FAM120B: variants seen among roughly 807,000 people sequenced by gnomAD.
The protein encoded by FAM120B is family with sequence similarity 120 member B.
Under a neutral mutation model 96.3 loss-of-function variants are expected in FAM120B, and 83 were observed. That is an observed-to-expected ratio of 0.86 (90% CI 0.72 to 1.03). FAM120B has a LOEUF of 1.03. FAM120B is among the 50% of genes least tolerant of loss of function. The pLI is 0.00. For missense variants in FAM120B, 1,027 were observed against 1,121.2 expected, an observed-to-expected ratio of 0.92 and a Z score of 1.20; for synonymous variants, 407 against 402.7, an observed-to-expected ratio of 1.01 and a Z score of -0.13.
chr6:170,388,624 C>A, intron 7 of FAM120B, 131 bp downstream of exon 7: 1 of 752,008 alleles, frequency 1.3e-6, no homozygotes, highest in Non-Finnish European at 2.2e-6. Context: ...AAACCAGGAA[C>A]ACATGATTTG....
At chr6:170,291,168 T>A, upstream of FAM120B, 1 of 408,746 alleles carries the variant, frequency 2.4e-6, no homozygotes, top group African/African-American at 3.1e-5. Flanking sequence ...CCCCCCTTCC[T>A]CCCTCACCAC....
intron 1 of FAM120B, among the ~76,000 whole-genome samples, chr6:170,311,145 A>C (rs1784567187): frequency 6.6e-6 from 1 of 152,072 alleles, no homozygotes; most frequent in African/African-American, 2.4e-5. Flanking sequence ...GGACCATCTG[A>C]CTCCAGTCTT....
intron 3 of FAM120B, among the ~76,000 whole-genome samples, chr6:170,329,984 C>T (rs2115063119): frequency 6.6e-6 from 1 of 152,272 alleles, no homozygotes; most frequent in Middle Eastern, 3.4e-3. Flanking sequence ...CTTCCCTTCC[C>T]CCTTAAGCAC....
At chr6:170,310,907 G>A (rs1050491015) in intron 1 of FAM120B, among the ~76,000 whole-genome samples, 2 of 152,180 alleles carry the variant, frequency 1.3e-5, no homozygotes, top group African/African-American at 4.8e-5. Flanking sequence ...CCTAACATAG[G>A]CCTTGGAGCA....
At position 170,405,346 on chromosome 6, in the gene FAM120B, G is replaced by A. The variant is rs1045729500; in HGVS notation, c.*595G>A. The A allele has an allele frequency of 6.6e-6, 1 of 152,210 alleles. No homozygotes were observed. The highest frequency in any genetic ancestry group is 2.4e-5 in the African/African-American group (1 of 41,450). 9.4% of individuals were successfully genotyped at this position (152,210 alleles called of 1,614,324 possible). ...TAAAAGCTATGTGAATGTGGTCTCTGTCAAAATATCGTGCTGTAATCACCC... is the reference window on the plus strand; with the variant it reads ...TAAAAGCTATGTGAATGTGGTCTCTATCAAAATATCGTGCTGTAATCACCC... On this transcript the variant is annotated 3_prime_UTR_variant, in exon 11 of 11. Transcript: ENST00000476287.
chr6:170,325,119 G>A (rs1033769448), intron 3 of FAM120B, among the ~76,000 whole-genome samples: 38 of 152,136 alleles, frequency 2.5e-4, no homozygotes, highest in Admixed American at 1.9e-3. Context: ...GTGCATATAC[G>A]TTGAGGACTG....
At chr6:170,301,909 C>T (rs931367523), upstream of FAM120B, among the ~76,000 whole-genome samples, 6 of 152,176 alleles carry the variant, frequency 3.9e-5, no homozygotes, top group Admixed American at 3.9e-4. Flanking sequence ...CTGAGCCCTC[C>T]AAGTCTCTAG....
intron 5 of FAM120B, among the ~76,000 whole-genome samples, chr6:170,354,318 CT>C (rs1337826232): frequency 1.3e-5 from 2 of 152,078 alleles, no homozygotes; most frequent in African/African-American, 4.8e-5. Context: ...TATAAAAACC[CT>C]AGAAGAAAAT....
intron 4 of FAM120B, among the ~76,000 whole-genome samples, chr6:170,331,719 CAA>C (rs1329729610): frequency 3.9e-5 from 6 of 152,116 alleles, no homozygotes; most frequent in South Asian, 4.1e-4. Flanking sequence ...GTCATTGTGT[CAA>C]GAGTTAATTT....
chr6:170,390,449 G>A (rs1790421023), intron 7 of FAM120B, among the ~76,000 whole-genome samples: 1 of 151,598 alleles, frequency 6.6e-6, no homozygotes, highest in African/African-American at 2.4e-5. Context: ...TCTTGACCAA[G>A]TTCCAAGTGA....
intron 9 of FAM120B, among the ~76,000 whole-genome samples, chr6:170,397,982 GC>G (rs11337074): frequency 0.58 from 88,924 of 152,102 alleles, 27,025 homozygotes; most frequent in Non-Finnish European, 0.65. Context: ...ACCCTCTTTG[GC>G]TTGGGGTTGC....
intron 1 of FAM120B, among the ~76,000 whole-genome samples, chr6:170,313,758 G>A (rs1265277543): frequency 1.3e-5 from 2 of 152,214 alleles, no homozygotes; most frequent in African/African-American, 4.8e-5. Flanking sequence ...ACGTGCCATT[G>A]CTTATTACTA....
chr6:170,359,492 T>C (rs1040285183), intron 6 of FAM120B, among the ~76,000 whole-genome samples: 1 of 151,952 alleles, frequency 6.6e-6, no homozygotes, highest in Non-Finnish European at 1.5e-5. Flanking sequence ...CCCTGCTCAC[T>C]GCAACCTCTG....
rs958564458 is a variant in FAM120B, at chr6:170,370,798, A to G, written c.2283+12480A>G. On this transcript the variant is annotated intron_variant, in intron 6 of 10. Coordinates refer to ENST00000476287, the MANE Select transcript of FAM120B (RefSeq NM_032448.3). This position sits in a 1 kb window ranked among gnomAD's most constrained non-coding sequence, Gnocchi z 4.3. ...CTGTAGCTTTACATGTATAAATACA[A>G]TTATTCCTATTCTTCATTATGCTGA... is the stretch of plus-strand genomic sequence containing the variant. 6.6e-6 allele frequency among the ~76,000 whole-genome samples: 1 copy of G among 152,168 alleles called. No individual in the cohort carries two copies. The highest frequency in any genetic ancestry group is 2.4e-5 in the African/African-American group (1 of 41,450).
chr6:170,370,856 G>A lies in FAM120B; in HGVS notation c.2283+12538G>A, dbSNP rs745769085. On this transcript the variant is annotated intron_variant, in intron 6 of 10. Coordinates refer to ENST00000476287, the MANE Select transcript of FAM120B (RefSeq NM_032448.3). This position sits in a 1 kb window ranked among gnomAD's most constrained non-coding sequence, Gnocchi z 4.3. ...GGATGGTTGTGCGTCTCTAACAGACGGGAGATACTGCAGTAGAATTTGCAG... is the reference window on the plus strand; with the variant it reads ...GGATGGTTGTGCGTCTCTAACAGACAGGAGATACTGCAGTAGAATTTGCAG... Among the ~76,000 whole-genome samples the A allele has an allele frequency of 6.6e-6, 1 of 152,228 alleles. No individual in the cohort carries two copies. The highest frequency in any genetic ancestry group is 1.9e-4 in the East Asian group (1 of 5,186).
chr6:170,330,630 A>G (rs752300004), intron 4 of FAM120B, 80 bp downstream of exon 4: 16 of 1,065,706 alleles, frequency 1.5e-5, no homozygotes, highest in Non-Finnish European at 2.3e-5. Flanking sequence ...AGTTATGGAA[A>G]GCATCTTTTA....
At position 170,361,194 on chromosome 6, in the gene FAM120B, ACG is replaced by A. The variant is rs771000863; in HGVS notation, c.2283+2877_2283+2878del. Among the ~76,000 whole-genome samples the A allele has an allele frequency of 2.1e-3, 133 of 63,636 alleles. 1 individual carries two copies. Among genetic ancestry groups the A allele is most frequent in the East Asian group, 0.012 (17 of 1,436 alleles). The allele number at this position is 63,636 out of a possible 152,430, so 41.7% of individuals were successfully genotyped here. On this transcript the variant is annotated intron_variant, in intron 6 of 10. Transcript: ENST00000476287. ...TATAGCCTTAAAACTATATATATAT[ACG>A]TGTATATATATATATATATATATAT...
intron 7 of FAM120B, 145 bp downstream of exon 7, chr6:170,388,638 CA>C: frequency 1.5e-6 from 1 of 687,640 alleles, no homozygotes; most frequent in East Asian, 2.7e-5. Flanking sequence ...TGATTTGAAG[CA>C]TTAGGCTTCT....
In FAM120B at chr6:170,391,173, G is replaced by T. The variant is rs756945663; in HGVS notation, c.2599+52G>T. The T allele has an allele frequency of 8.3e-6, 10 of 1,204,182 alleles. No homozygotes were observed. In the East Asian group the frequency reaches 2.4e-4, roughly 29 times the overall value. The allele number at this position is 1,204,182 out of a possible 1,614,324, so 74.6% of individuals were successfully genotyped here. A position where few individuals can be genotyped will look rare whatever the true frequency, so the allele number is the denominator to read the frequency against. On this transcript the variant is annotated intron_variant, in intron 8 of 10. Coordinates refer to ENST00000476287, the MANE Select transcript of FAM120B (RefSeq NM_032448.3). ...AGCCCCACAAGCGTAGACCCTAACT[G>T]CTTCCTGAGTTTTGTTGATAAATGA...
Sources: allele counts gnomAD v4.1 joint callset (sites outside exome capture counted in the v4.1 genomes callset), GRCh38; gene constraint gnomAD v4.1.1; non-coding constraint Gnocchi (gnomAD v3.1); transcripts MANE v1.5; gene names NCBI Gene and HGNC (gene_info 2026-07-23, HGNC 2026-07-21).